Variants in ROBO1 observed in about 807,000 individuals in gnomAD.
The protein encoded by ROBO1 is roundabout guidance receptor 1.
ROBO1 carries 149 observed loss-of-function variants against 195.9 expected under a neutral mutation model. The observed-to-expected ratio is 0.76, with a 90% confidence interval of 0.67 to 0.87. The LOEUF (loss-of-function observed/expected upper bound fraction) is 0.87, where lower values mean the gene tolerates loss of function less well. Among genes scored for constraint, ROBO1 ranks in the 40% least tolerant of loss-of-function variants. The probability of loss-of-function intolerance (pLI) is 0.00; values close to 1 mark genes in which losing one functional copy is unlikely to be tolerated. For synonymous variants in ROBO1, 816 were observed against 733.2 expected, an observed-to-expected ratio of 1.11 and a Z score of -1.82; for missense variants, 1,933 against 2,068.3, an observed-to-expected ratio of 0.93 and a Z score of 1.27.
chr3:78,728,262 G>T (rs937934971), intron 5 of ROBO1, among the ~76,000 whole-genome samples: 1 of 152,004 alleles, frequency 6.6e-6, no homozygotes, highest in South Asian at 2.1e-4. Flanking sequence ...TTTCCCACTC[G>T]AGTCTCTTGA....
intron 3 of ROBO1, among the ~76,000 whole-genome samples, chr3:79,030,431 T>C (rs1315206923): frequency 6.6e-6 from 1 of 152,212 alleles, no homozygotes; most frequent in Non-Finnish European, 1.5e-5. Flanking sequence ...AACTCTGCTC[T>C]AGTTAAACTT....
chr3:79,429,979 T>C (rs1230620180), intron 2 of ROBO1, among the ~76,000 whole-genome samples: 1 of 151,960 alleles, frequency 6.6e-6, no homozygotes, highest in East Asian at 1.9e-4. Context: ...ACCTTCTTCT[T>C]TCCAACTAAC....
At chr3:79,638,013 C>A (rs1945547063) in intron 1 of ROBO1, among the ~76,000 whole-genome samples, 1 of 151,876 alleles carries the variant, frequency 6.6e-6, no homozygotes, top group South Asian at 2.1e-4. Flanking sequence ...AGGAAATTAC[C>A]CTTAGTTGAA....
chr3:78,973,274 T>C (rs1443061870), intron 3 of ROBO1, among the ~76,000 whole-genome samples: 1 of 151,832 alleles, frequency 6.6e-6, no homozygotes, highest in Non-Finnish European at 1.5e-5. Context: ...ACTTCTCCAT[T>C]GCCTTCAAGG....
intron 1 of ROBO1, among the ~76,000 whole-genome samples, chr3:79,598,225 T>C (rs1314205017): frequency 6.6e-6 from 1 of 152,114 alleles, no homozygotes; most frequent in Non-Finnish European, 1.5e-5. Context: ...TCTGTAAGTA[T>C]ACTTAAAATA....
intron 4 of ROBO1, among the ~76,000 whole-genome samples, chr3:78,837,651 A>T (rs1345333295): frequency 6.6e-6 from 1 of 152,114 alleles, no homozygotes; most frequent in Non-Finnish European, 1.5e-5. Flanking sequence ...TCAGCTGAAA[A>T]TCCATGGGAA....
intron 1 of ROBO1, among the ~76,000 whole-genome samples, chr3:79,604,647 A>G (rs1431899726): frequency 6.6e-6 from 1 of 152,014 alleles, no homozygotes; most frequent in Non-Finnish European, 1.5e-5. Context: ...TGGGTGCCCA[A>G]TTCCTCAGTA....
chr3:78,813,151 A>G (rs2084793949), intron 4 of ROBO1, among the ~76,000 whole-genome samples: 1 of 152,094 alleles, frequency 6.6e-6, no homozygotes, highest in South Asian at 2.1e-4. Context: ...AATCTTTGGA[A>G]AAACAAACAC....
intron 4 of ROBO1, among the ~76,000 whole-genome samples, chr3:78,915,351 T>C (rs1025834181): frequency 1.3e-5 from 2 of 152,202 alleles, no homozygotes; most frequent in African/African-American, 4.8e-5. Context: ...GATTTAATTT[T>C]AACCGCTTCT....
At chr3:79,674,583 A>G (rs1024695109) in intron 1 of ROBO1, among the ~76,000 whole-genome samples, 1 of 151,982 alleles carries the variant, frequency 6.6e-6, no homozygotes, top group Admixed American at 6.6e-5. Context: ...CCCTTCAGAG[A>G]GGATCAATCA....
intron 3 of ROBO1, among the ~76,000 whole-genome samples, chr3:79,053,462 A>T (rs1486234823): frequency 6.6e-6 from 1 of 150,894 alleles, no homozygotes; most frequent in Admixed American, 6.6e-5. Flanking sequence ...CTCTCTTTAA[A>T]CCTCCGGAGT....
intron 1 of ROBO1, among the ~76,000 whole-genome samples, chr3:79,618,593 A>G (rs1386637200): frequency 6.6e-6 from 1 of 152,080 alleles, no homozygotes; most frequent in Non-Finnish European, 1.5e-5. Context: ...CCCAAATCCT[A>G]TAAAACTGCC....
intron 4 of ROBO1, among the ~76,000 whole-genome samples, chr3:78,913,892 T>G (rs1484501511): frequency 6.6e-6 from 1 of 152,204 alleles, no homozygotes; most frequent in Non-Finnish European, 1.5e-5. Context: ...GAGAGGGTCG[T>G]ATTTCCCTAG....
In ROBO1 at chr3:78,903,492, A is replaced by G. The variant is rs906704224; in HGVS notation, c.499+35109T>C. ...AATCTCCACTTTTAATAAAAAAAAAAGTATAAAAAGAACAAATTTAGATTT... is the reference window on the plus strand; with the variant it reads ...AATCTCCACTTTTAATAAAAAAAAAGGTATAAAAAGAACAAATTTAGATTT... On this transcript the variant is annotated intron_variant, in intron 4 of 30. Coordinates refer to ENST00000464233, the MANE Select transcript of ROBO1 (RefSeq NM_002941.4). 1.3e-4 allele frequency among the ~76,000 whole-genome samples: 19 copies of G among 149,078 alleles called. No individual in the cohort carries two copies. In the South Asian group the frequency reaches 4.0e-3, roughly 32 times the overall value.
intron 2 of ROBO1, among the ~76,000 whole-genome samples, chr3:79,189,788 T>C (rs903366343): frequency 1.3e-5 from 2 of 151,724 alleles, no homozygotes; most frequent in Admixed American, 1.3e-4. Flanking sequence ...TAATTTGAGA[T>C]CTTAGTTTAA....
chr3:78,714,322 T>C, intron 8 of ROBO1, 75 bp downstream of exon 8: 2 of 1,445,620 alleles, frequency 1.4e-6, no homozygotes, highest in Non-Finnish European at 1.9e-6. Flanking sequence ...GCCCTATACA[T>C]AATATTTTCT....
chr3:79,560,970 G>GT (rs1211362505), intron 2 of ROBO1, among the ~76,000 whole-genome samples: 6 of 151,746 alleles, frequency 4.0e-5, no homozygotes, highest in African/African-American at 1.5e-4. Context: ...TCAATCTGCT[G>GT]TTTTTTTTCC....
At chr3:78,905,098 T>A (rs2037823072) in intron 4 of ROBO1, among the ~76,000 whole-genome samples, 1 of 152,138 alleles carries the variant, frequency 6.6e-6, no homozygotes, top group Non-Finnish European at 1.5e-5. Context: ...AACATAAAGA[T>A]GCTGCAGGAA....
At chr3:78,727,668 TA>T (rs1468799050) in intron 5 of ROBO1, among the ~76,000 whole-genome samples, 12 of 152,234 alleles carry the variant, frequency 7.9e-5, no homozygotes, top group African/African-American at 2.9e-4. Flanking sequence ...ATGTTTTTGT[TA>T]ACTATGGTTT....
Sources: gnomAD v4.1 joint callset for allele counts (sites outside exome capture counted in the v4.1 genomes callset) on GRCh38, gnomAD v4.1.1 for gene constraint, MANE v1.5 for transcripts, NCBI Gene and HGNC (gene_info 2026-07-23, HGNC 2026-07-21) for gene names.